Variants in RIMS2 observed in about 807,000 individuals in gnomAD.
RIMS2 encodes regulating synaptic membrane exocytosis protein 2.
RIMS2 carries 59 observed loss-of-function variants against 174.4 expected under a neutral mutation model. The ratio of observed to expected loss-of-function variants is 0.34; its 90% CI spans 0.27 to 0.42. The LOEUF is 0.42. Among genes scored for constraint, RIMS2 ranks in the 10% least tolerant of loss-of-function variants. The pLI is 1.00. For synonymous variants in RIMS2, 606 were observed against 572.5 expected (o/e 1.06, Z -0.84); for missense variants, 1,620 against 1,666.3 (o/e 0.97, Z 0.48).
intron 19 of RIMS2, among the ~76,000 whole-genome samples, chr8:104,190,688 C>T (rs1240150038): frequency 6.6e-6 from 1 of 152,028 alleles, no homozygotes; most frequent in Non-Finnish European, 1.5e-5. Flanking sequence ...TGGGCTATCT[C>T]CTCTTTCCCT....
chr8:103,513,584 TCAGGCC>T (rs1191304515), intron 1 of RIMS2, among the ~76,000 whole-genome samples: 1 of 152,202 alleles, frequency 6.6e-6, no homozygotes, highest in African/African-American at 2.4e-5. Flanking sequence ...CTACATATAG[TCAGGCC>T]AGGAATTTTG....
chr8:103,558,575 A>C (rs2449909), intron 1 of RIMS2, among the ~76,000 whole-genome samples: 53,804 of 152,024 alleles, frequency 0.35, 10,258 homozygotes, highest in East Asian at 0.77. Context: ...CCAATGACTT[A>C]TAGTACAGCT....
intron 3 of RIMS2, chr8:103,768,210 A>C (rs1451667342): frequency 2.5e-6 from 1 of 401,654 alleles, no homozygotes; most frequent in African/African-American, 2.0e-5. Context: ...AAAATGAGTG[A>C]ATGAATGACT....
At chr8:103,601,896 T>G (rs1344238772) in intron 1 of RIMS2, among the ~76,000 whole-genome samples, 2 of 152,216 alleles carry the variant, frequency 1.3e-5, no homozygotes, top group Non-Finnish European at 2.9e-5. Flanking sequence ...AGCTTAACAC[T>G]GATAGCATAA....
intron 18 of RIMS2, among the ~76,000 whole-genome samples, chr8:104,013,885 T>C (rs1269582177): frequency 6.6e-6 from 1 of 152,220 alleles, no homozygotes; most frequent in Non-Finnish European, 1.5e-5. Context: ...ATTCTGTCAT[T>C]AACTGTCATG....
chr8:103,834,836 G>T (rs1275149005), intron 3 of RIMS2, among the ~76,000 whole-genome samples: 1 of 151,080 alleles, frequency 6.6e-6, no homozygotes, highest in Non-Finnish European at 1.5e-5. Flanking sequence ...CTGCAGTGGC[G>T]CTGTCTCGGC....
intron 19 of RIMS2, among the ~76,000 whole-genome samples, chr8:104,203,587 TC>T (rs1277228273): frequency 6.9e-6 from 1 of 145,340 alleles, no homozygotes; most frequent in African/African-American, 2.6e-5. Context: ...CACTGCAACT[TC>T]CGCCTCTTGG....
At chr8:104,240,366 G>T (rs1397157501) in intron 19 of RIMS2, among the ~76,000 whole-genome samples, 1 of 152,046 alleles carries the variant, frequency 6.6e-6, no homozygotes, top group Non-Finnish European at 1.5e-5. Flanking sequence ...CAAATCATTT[G>T]GAACATTAAA....
chr8:103,768,350 C>T (rs1428967934), intron 3 of RIMS2: 15 of 709,772 alleles, frequency 2.1e-5, no homozygotes, highest in African/African-American at 3.5e-5. Context: ...TAAACGCAAA[C>T]TCTGCACTTT....
At chr8:103,734,365 G>A (rs982600690) in intron 2 of RIMS2, among the ~76,000 whole-genome samples, 3 of 148,846 alleles carry the variant, frequency 2.0e-5, no homozygotes, top group Non-Finnish European at 4.4e-5. Context: ...GTTTACTAGG[G>A]ATAAAATATT....
intron 3 of RIMS2, among the ~76,000 whole-genome samples, chr8:103,808,554 G>C (rs768476102): frequency 6.6e-6 from 1 of 152,018 alleles, no homozygotes; most frequent in Non-Finnish European, 1.5e-5. Flanking sequence ...CTTGTTAGCT[G>C]TCTTGCATGC....
chr8:104,046,129 A>T (rs776413029), intron 19 of RIMS2, among the ~76,000 whole-genome samples: 1 of 152,042 alleles, frequency 6.6e-6, no homozygotes, highest in Non-Finnish European at 1.5e-5. Context: ...TATTTCTTAC[A>T]ATTCTGGGGA....
rs982647653 is a variant in RIMS2, at chr8:103,947,759, C to T, written c.2701+4833C>T. On this transcript the variant is annotated intron_variant, in intron 14 of 23. Transcript: ENST00000504942. ...ATACTATAGTAGACTTTATAAACAT[C>T]GAACACTTAGGCTACACTTTATTTA... Among the ~76,000 whole-genome samples the T allele has an allele frequency of 5.9e-5, 9 of 152,160 alleles. No individual in the cohort carries two copies. The South Asian group carries it at 6.2e-4, about 11-fold the overall frequency.
chr8:103,988,170 A>G (rs1362521800), intron 16 of RIMS2, among the ~76,000 whole-genome samples: 1 of 152,248 alleles, frequency 6.6e-6, no homozygotes, highest in Non-Finnish European at 1.5e-5. Flanking sequence ...CTTGAATAAC[A>G]GCAGCAAAAT....
chr8:103,632,132 A>G (rs906176013), intron 1 of RIMS2, among the ~76,000 whole-genome samples: 6 of 152,092 alleles, frequency 3.9e-5, no homozygotes, highest in Admixed American at 1.3e-4. Flanking sequence ...CTCTTGCCTG[A>G]TTTCTGTAGC....
intron 1 of RIMS2, among the ~76,000 whole-genome samples, chr8:103,647,803 T>C (rs2096370228): frequency 2.0e-5 from 3 of 151,970 alleles, no homozygotes; most frequent in Admixed American, 1.3e-4. Flanking sequence ...ATTTGATTCT[T>C]CTTTCTTTTC....
At chr8:104,099,761 A>AT (rs1196610464) in intron 19 of RIMS2, among the ~76,000 whole-genome samples, 1 of 151,438 alleles carries the variant, frequency 6.6e-6, no homozygotes, top group South Asian at 2.1e-4. Context: ...TGTTCCATTT[A>AT]TTTTTTCTTT....
At chr8:104,171,919 T>C (rs532432629) in intron 19 of RIMS2, among the ~76,000 whole-genome samples, 60 of 152,260 alleles carry the variant, frequency 3.9e-4, no homozygotes, top group Non-Finnish European at 4.6e-4. Flanking sequence ...TCTGGATGAG[T>C]TCCTTAGTTA....
intron 19 of RIMS2, among the ~76,000 whole-genome samples, chr8:104,202,474 T>C (rs575882931): frequency 3.3e-5 from 5 of 152,376 alleles, no homozygotes; most frequent in African/African-American, 9.6e-5. Flanking sequence ...TCTTGAAGCA[T>C]ACTTTACAAA....
Sources: gnomAD v4.1 joint callset for allele counts (sites outside exome capture counted in the v4.1 genomes callset) on GRCh38, gnomAD v4.1.1 for gene constraint, MANE v1.5 for transcripts, NCBI Gene and HGNC (gene_info 2026-07-23, HGNC 2026-07-21) for gene names.